Variants in FERD3L observed in about 807,000 individuals in gnomAD.
FERD3L encodes the protein fer3-like protein.
A neutral mutation model predicts 7.5 loss-of-function variants in FERD3L; 7 were observed. The ratio of observed to expected loss-of-function variants is 0.94; its 90% CI spans 0.53 to 1.76. The LOEUF (loss-of-function observed/expected upper bound fraction) is 1.76. Among genes scored for constraint, FERD3L ranks in the 40% most tolerant of loss-of-function variants. The pLI, the probability that FERD3L is intolerant of heterozygous loss-of-function variation, is 0.00. For missense variants in FERD3L, 264 were observed against 220.9 expected (o/e 1.20, Z -1.24); for synonymous variants, 122 against 94.4 (o/e 1.29, Z -1.70).
In FERD3L at chr7:19,145,257, C is replaced by T. The variant is rs775679607; in HGVS notation, c.106G>A (p.Gly36Arg). The T allele has an allele frequency of 3.7e-6, 6 of 1,613,970 alleles. No homozygotes were observed. Among genetic ancestry groups the T allele is most frequent in the Non-Finnish European group, 5.1e-6 (6 of 1,180,016 alleles). The part of the protein sequence containing the change: ...RRPLLCDFAP[G>R]VSLGDPALAL... ...AGGGCTGGGTCCCCCAAGGAGACCC[C>T]GGGTGCGAAGTCGCAGAGGAGAGGG... Residue 36 changes from glycine to arginine, a missense_variant, in exon 1 of 1, where the codon GGG (glycine) becomes AGG (arginine). Coordinates refer to ENST00000275461, the MANE Select transcript of FERD3L (RefSeq NM_152898.2).
chr7:19,145,211 G>A lies in FERD3L; in HGVS notation c.152C>T (p.Pro51Leu). Residue 51 changes from proline to leucine, a missense_variant, in exon 1 of 1, where the codon CCC (proline) becomes CTC (leucine). Physicochemically the swap from Pro to Leu is moderately conservative, Grantham distance 98 (BLOSUM62 -3). Coordinates refer to ENST00000275461, the MANE Select transcript of FERD3L (RefSeq NM_152898.2). ...DPALALREGRPRRMARFEEGD... is the reference protein window; with the variant it reads ...DPALALREGRLRRMARFEEGD... The stretch of plus-strand genomic sequence containing the variant: ...CTCTTCAAACCGCGCCATCCTCCTG[G>A]GTCTTCCCTCTCGGAGCGCAAGGGC... 1 of 1,613,994 alleles carries A rather than the reference G, an allele frequency of 6.2e-7. No individual in the cohort carries two copies. Among genetic ancestry groups the A allele is most frequent in the Non-Finnish European group, 8.5e-7 (1 of 1,179,958 alleles).
chr7:19,144,981 C>T lies in FERD3L; in HGVS notation c.382G>A (p.Val128Met). 4 of 1,614,184 alleles carry T rather than the reference C, an allele frequency of 2.5e-6. No individual in the cohort carries two copies. The highest frequency in any genetic ancestry group is 3.4e-6 in the Non-Finnish European group (4 of 1,180,042). ...NEAFDQLRRK[V>M]PTFAYEKRLS... ...CTTTTCTCGTAAGCAAACGTGGGCA[C>T]CTTCCTCCGCAGCTGGTCAAAGGCC... Residue 128 changes from valine to methionine, a missense_variant, in exon 1 of 1, where the codon GTG becomes ATG. Coordinates refer to ENST00000275461, the MANE Select transcript of FERD3L (RefSeq NM_152898.2).
chr7:19,144,988 C>T lies in FERD3L; in HGVS notation c.375G>A (p.Arg125=), dbSNP rs771818430. The change falls in exon 1 of 1, where the codon CGG becomes CGA. Residue 125 remains arginine, a synonymous_variant. Coordinates refer to ENST00000275461, the MANE Select transcript of FERD3L (RefSeq NM_152898.2). ...FNLNEAFDQL[R]RKVPTFAYEK... is the part of the protein sequence containing the mutation. ...CGTAAGCAAACGTGGGCACCTTCCT[C>T]CGCAGCTGGTCAAAGGCCTCGTTGA... is the stretch of plus-strand genomic sequence containing the variant. The T allele has an allele frequency of 3.4e-5, 55 of 1,614,100 alleles. No individual in the cohort carries two copies. The highest frequency in any genetic ancestry group is 4.6e-5 in the Non-Finnish European group (54 of 1,180,048).
Position 19,145,182 on chromosome 7 carries a change from C to A in FERD3L, c.181G>T (p.Asp61Tyr). Residue 61 changes from aspartate to tyrosine, a missense_variant, in exon 1 of 1, where the codon GAC (aspartate) becomes TAC (tyrosine). By Grantham distance (160) the Asp-to-Tyr change is radical. Transcript: ENST00000275461. ...PRRMARFEEG[D>Y]PEEEECEVDQ... Reference sequence around the variant, plus strand: ...ACTTCGCACTCCTCTTCTTCTGGGTCCCCCTCTTCAAACCGCGCCATCCTC... The same window carrying A: ...ACTTCGCACTCCTCTTCTTCTGGGTACCCCTCTTCAAACCGCGCCATCCTC... 10 of 1,613,956 alleles carry A rather than the reference C, an allele frequency of 6.2e-6. No individual in the cohort carries two copies. The highest frequency in any genetic ancestry group is 8.5e-6 in the Non-Finnish European group (10 of 1,179,842).
rs200056012 is a variant in FERD3L at position 19,145,087 on chromosome 7, G to T, written c.276C>A (p.Pro92=). The change falls in exon 1 of 1, where the codon CCC becomes CCA. Residue 92 remains proline (P), a synonymous_variant. Transcript: ENST00000275461. ...RGRGVSLLGR[P]KRKRVITYAQ... ...CGTAGGTGATCACCCTTTTCCTCTT[G>T]GGGCGGCCTAATAGGGAGACACCTC... 1.2e-6 allele frequency: 2 copies of T among 1,613,918 alleles called. No homozygotes were observed. The highest frequency in any genetic ancestry group is 1.7e-6 in the Non-Finnish European group (2 of 1,179,946).
Position 19,144,964 on chromosome 7 carries a change from G to T in FERD3L, c.399C>A (p.Tyr133Ter). The change falls in exon 1 of 1, where the codon TAC becomes TAA. Residue 133 changes from tyrosine to a stop codon, truncating the protein, a stop_gained. Coordinates refer to ENST00000275461, the MANE Select transcript of FERD3L (RefSeq NM_152898.2). LOFTEE classifies it high-confidence loss of function. ...TCTCGATCCGGGACAGCCTTTTCTC[G>T]TAAGCAAACGTGGGCACCTTCCTCC... The part of the protein sequence containing the change: ...QLRRKVPTFA[Y>*]EKRLSRIETL... 3.1e-6 allele frequency: 5 copies of T among 1,614,138 alleles called. No homozygotes were observed. The highest frequency in any genetic ancestry group is 3.4e-6 in the Non-Finnish European group (4 of 1,180,028).
chr7:19,145,128 C>CTTT lies in FERD3L; in HGVS notation c.234_235insAAA (p.Glu78_Glu79insLys), dbSNP rs71017023. The CTTT allele has an allele frequency of 4.3e-6, 7 of 1,612,584 alleles. No individual in the cohort carries two copies. Among genetic ancestry groups the CTTT allele is most frequent in the Non-Finnish European group, 5.1e-6 (6 of 1,178,932 alleles). On this transcript the variant is annotated inframe_insertion, in exon 1 of 1. Transcript: ENST00000275461. ...GAGACACCTCTTCCGCGCTCCTCTT[C>CTTT]CTCCTCCTCTTCTCCGTCCCCCTGG...
In FERD3L at chr7:19,145,264, G is replaced by T. The variant is rs1196065443; in HGVS notation, c.99C>A (p.Phe33Leu). Reference sequence around the variant, plus strand: ...GGTCCCCCAAGGAGACCCCGGGTGCGAAGTCGCAGAGGAGAGGGCGTCTCG... The same window carrying T: ...GGTCCCCCAAGGAGACCCCGGGTGCTAAGTCGCAGAGGAGAGGGCGTCTCG... ...ASPRRPLLCD[F>L]APGVSLGDPA... The change falls in exon 1 of 1, where the codon TTC (phenylalanine) becomes TTA (leucine). Residue 33 changes from phenylalanine (F) to leucine (L), a missense_variant. By Grantham distance (22) the Phe-to-Leu change is conservative (BLOSUM62 0). Transcript: ENST00000275461. 1 of 1,613,714 alleles carries T rather than the reference G, an allele frequency of 6.2e-7. No homozygotes were observed. Among genetic ancestry groups the T allele is most frequent in the East Asian group, 2.2e-5 (1 of 44,876 alleles).
rs1788953638 is a variant in FERD3L, at chr7:19,144,846, A to ACT, written c.*14_*15dup. 2 of 1,610,142 alleles carry ACT rather than the reference A, an allele frequency of 1.2e-6. No homozygotes were observed. Among genetic ancestry groups the ACT allele is most frequent in the Non-Finnish European group, 1.7e-6 (2 of 1,177,170 alleles). On this transcript the variant is annotated 3_prime_UTR_variant, in exon 1 of 1. Transcript: ENST00000275461. ...AGCACTACCAGACGAGGAAGGGCAG[A>ACT]CTCTCCACACCAGGCTCAGCCGCTT...
chr7:19,144,888 T>A lies in FERD3L; in HGVS notation c.475A>T (p.Ser159Cys). The A allele has an allele frequency of 6.2e-7, 1 of 1,613,860 alleles. No homozygotes were observed. The highest frequency in any genetic ancestry group is 8.5e-7 in the Non-Finnish European group (1 of 1,179,944). Reference protein sequence around the residue: ...YISFMTELLESCEKKESG With the variant: ...YISFMTELLECCEKKESG ...CAGCCGCTTTCCTTCTTCTCACAGC[T>A]CTCCAAGAGCTCGGTCATGAAGGAG... The change falls in exon 1 of 1, where the codon AGC becomes TGC. Residue 159 changes from serine (S) to cysteine (C), a missense_variant. By Grantham distance (112) the Ser-to-Cys change is moderately radical. Transcript: ENST00000275461.
At position 19,145,235 on chromosome 7, in the gene FERD3L, G is replaced by T; in HGVS notation, c.128C>A (p.Ala43Asp). The stretch of plus-strand genomic sequence containing the variant: ...GGGTCTTCCCTCTCGGAGCGCAAGG[G>T]CTGGGTCCCCCAAGGAGACCCCGGG... Reference protein sequence around the residue: ...FAPGVSLGDPALALREGRPRR... With the variant: ...FAPGVSLGDPDLALREGRPRR... Residue 43 changes from alanine to aspartate, a missense_variant, in exon 1 of 1, where the codon GCC becomes GAC. Ala to Asp is a moderately radical substitution (Grantham distance 126, BLOSUM62 -2). Transcript: ENST00000275461. The T allele has an allele frequency of 1.9e-6, 3 of 1,613,986 alleles. No individual in the cohort carries two copies. Among genetic ancestry groups the T allele is most frequent in the South Asian group, 2.2e-5 (2 of 91,076 alleles).
In FERD3L at chr7:19,145,337, A is replaced by C. The variant is rs755824880; in HGVS notation, c.26T>G (p.Val9Gly). The C allele has an allele frequency of 2.5e-6, 4 of 1,590,590 alleles. No individual in the cohort carries two copies. The Admixed American group carries it at 6.7e-5, about 27-fold the overall frequency. The change falls in exon 1 of 1, where the codon GTG becomes GGG. Residue 9 changes from valine to glycine, a missense_variant. Coordinates refer to ENST00000275461, the MANE Select transcript of FERD3L (RefSeq NM_152898.2). ...GACGAAGTCCAGCACCGTAGTGTCC[A>C]CGCAGCTCTCCGGATAGGCCGCCAT... MAAYPESC[V>G]DTTVLDFVAD...
Position 19,144,883 on chromosome 7 carries a change from A to G in FERD3L, c.480T>C (p.Cys160=). 4 of 1,613,938 alleles carry G rather than the reference A, an allele frequency of 2.5e-6. No homozygotes were observed. The highest frequency in any genetic ancestry group is 2.5e-6 in the Non-Finnish European group (3 of 1,179,920). Reference sequence around the variant, plus strand: ...AGGCTCAGCCGCTTTCCTTCTTCTCACAGCTCTCCAAGAGCTCGGTCATGA... The same window carrying G: ...AGGCTCAGCCGCTTTCCTTCTTCTCGCAGCTCTCCAAGAGCTCGGTCATGA... ...ISFMTELLES[C]EKKESG The change falls in exon 1 of 1, where the codon TGT becomes TGC. Residue 160 remains cysteine (C), a synonymous_variant. Coordinates refer to ENST00000275461, the MANE Select transcript of FERD3L (RefSeq NM_152898.2).
chr7:19,145,171 T>A lies in FERD3L; in HGVS notation c.192A>T (p.Glu64Asp). 1 of 1,613,768 alleles carries A rather than the reference T, an allele frequency of 6.2e-7. No homozygotes were observed. Among genetic ancestry groups the A allele is most frequent in the Non-Finnish European group, 8.5e-7 (1 of 1,179,728 alleles). The change falls in exon 1 of 1, where the codon GAA becomes GAT. Residue 64 changes from glutamate to aspartate, a missense_variant. Coordinates refer to ENST00000275461, the MANE Select transcript of FERD3L (RefSeq NM_152898.2). Reference protein sequence around the residue: ...MARFEEGDPEEEECEVDQGDG... With the variant: ...MARFEEGDPEDEECEVDQGDG... ...CCCCCTGGTCCACTTCGCACTCCTC[T>A]TCTTCTGGGTCCCCCTCTTCAAACC...
chr7:19,145,296 C>A lies in FERD3L; in HGVS notation c.67G>T (p.Ala23Ser). ...CAGAGGAGAGGGCGTCTCGGGGAGG[C>A]CAGGGACAGGTCTGCGACGAAGTCC... The part of the protein sequence containing the change: ...VLDFVADLSL[A>S]SPRRPLLCDF... Residue 23 changes from alanine (A) to serine (S), a missense_variant, in exon 1 of 1, where the codon GCC becomes TCC. Transcript: ENST00000275461. 6.2e-7 allele frequency: 1 copy of A among 1,612,482 alleles called. No homozygotes were observed.
At position 19,145,254 on chromosome 7, in the gene FERD3L, C is replaced by T; in HGVS notation, c.109G>A (p.Val37Ile). 1 of 1,614,036 alleles carries T rather than the reference C, an allele frequency of 6.2e-7. No individual in the cohort carries two copies. The highest frequency in any genetic ancestry group is 8.5e-7 in the Non-Finnish European group (1 of 1,180,022). ...GCAAGGGCTGGGTCCCCCAAGGAGA[C>T]CCCGGGTGCGAAGTCGCAGAGGAGA... ...RPLLCDFAPG[V>I]SLGDPALALR... The change falls in exon 1 of 1, where the codon GTC becomes ATC. Residue 37 changes from valine (V) to isoleucine (I), a missense_variant. By Grantham distance (29) the Val-to-Ile change is conservative. Transcript: ENST00000275461.
At position 19,145,213 on chromosome 7, in the gene FERD3L, T is replaced by G; in HGVS notation, c.150A>C (p.Arg50Ser). ...GDPALALREG[R>S]PRRMARFEEG... ...CTTCAAACCGCGCCATCCTCCTGGG[T>G]CTTCCCTCTCGGAGCGCAAGGGCTG... The change falls in exon 1 of 1, where the codon AGA becomes AGC. Residue 50 changes from arginine (R) to serine (S), a missense_variant. Transcript: ENST00000275461. 6.2e-7 allele frequency: 1 copy of G among 1,614,098 alleles called. No homozygotes were observed. The highest frequency in any genetic ancestry group is 8.5e-7 in the Non-Finnish European group (1 of 1,179,998).
rs1281606964 is a variant in FERD3L at position 19,145,155 on chromosome 7, C to G, written c.208G>C (p.Asp70His). Residue 70 changes from aspartate (D) to histidine (H), a missense_variant, in exon 1 of 1, where the codon GAC becomes CAC. Coordinates refer to ENST00000275461, the MANE Select transcript of FERD3L (RefSeq NM_152898.2). ...GDPEEEECEV[D>H]QGDGEEEEEE... ...TCCTCCTCTTCTCCGTCCCCCTGGT[C>G]CACTTCGCACTCCTCTTCTTCTGGG... 3 of 1,613,238 alleles carry G rather than the reference C, an allele frequency of 1.9e-6. No homozygotes were observed. Among genetic ancestry groups the G allele is most frequent in the African/African-American group, 2.7e-5 (2 of 74,936 alleles).
Position 19,145,419 on chromosome 7 carries a change from G to A in FERD3L, c.-57C>T. The A allele has an allele frequency of 3.3e-6, 5 of 1,513,712 alleles. No individual in the cohort carries two copies. Among genetic ancestry groups the A allele is most frequent in the Non-Finnish European group, 4.4e-6 (5 of 1,132,054 alleles). The allele number at this position is 1,513,712 out of a possible 1,614,324, so 93.8% of individuals were successfully genotyped here. On this transcript the variant is annotated 5_prime_UTR_variant, in exon 1 of 1. Transcript: ENST00000275461. ...TTCCGCAGGGAGGGGCGAGGTTGCT[G>A]GTGGGGATTCTTAACAGCCTTGAAT...
Sources: allele counts gnomAD v4.1 joint callset, GRCh38; gene constraint gnomAD v4.1.1; transcripts MANE v1.5; gene names NCBI Gene and HGNC (gene_info 2026-07-23, HGNC 2026-07-21).